Variants in RPA1 observed in about 807,000 individuals in gnomAD.
RPA1 encodes replication protein A 70 kDa DNA-binding subunit.
In RPA1, 49 loss-of-function variants were observed where a neutral mutation model predicts 83.0. The observed-to-expected ratio is 0.59, with a 90% CI of 0.47 to 0.75. The LOEUF (loss-of-function observed/expected upper bound fraction) is 0.75. Among genes scored for constraint, RPA1 ranks in the 30% least tolerant of loss-of-function variants. The pLI is 0.00. For missense variants in RPA1, 693 were observed against 776.1 expected, an observed-to-expected ratio of 0.89 and a Z score of 1.27; for synonymous variants, 279 against 281.8, an observed-to-expected ratio of 0.99 and a Z score of 0.10.
At chr17:1,852,572 G>A (rs536169624) in intron 4 of RPA1, among the ~76,000 whole-genome samples, 5 of 152,230 alleles carry the variant, frequency 3.3e-5, no homozygotes, top group Non-Finnish European at 5.9e-5. Context: ...CGGCACGGGA[G>A]GGGGGTTAGC....
chr17:1,880,084 GA>G (rs1423124784), intron 11 of RPA1, among the ~76,000 whole-genome samples: 1 of 149,182 alleles, frequency 6.7e-6, no homozygotes, highest in African/African-American at 2.5e-5. Context: ...TTGGGGGAGG[GA>G]GGGGTCTTGT....
At chr17:1,841,232 T>C (rs1912035004) in intron 1 of RPA1, among the ~76,000 whole-genome samples, 1 of 152,204 alleles carries the variant, frequency 6.6e-6, no homozygotes, top group African/African-American at 2.4e-5. Flanking sequence ...TTTTTATAGA[T>C]ACCTTAGGAT....
intron 1 of RPA1, among the ~76,000 whole-genome samples, chr17:1,839,616 G>A (rs1028185310): frequency 3.3e-4 from 50 of 150,368 alleles, no homozygotes; most frequent in Non-Finnish European, 5.2e-4. Flanking sequence ...GTGAGCCACC[G>A]TGCCTGGCCT....
At chr17:1,833,508 T>C (rs1465923467) in intron 1 of RPA1, among the ~76,000 whole-genome samples, 7 of 152,208 alleles carry the variant, frequency 4.6e-5, no homozygotes, top group African/African-American at 1.4e-4. Context: ...TGATTTTAAA[T>C]TGTAGCTTTC....
At chr17:1,851,293 A>G (rs4790831) in intron 4 of RPA1, among the ~76,000 whole-genome samples, 147,874 of 152,132 alleles carry the variant, frequency 0.97, 72,008 homozygotes, top group Non-Finnish European at 1. Context: ...GTGTGTGCCC[A>G]CACAATCTAT....
intron 6 of RPA1, among the ~76,000 whole-genome samples, chr17:1,875,297 G>A (rs55998854): frequency 7.2e-5 from 11 of 152,192 alleles, no homozygotes; most frequent in African/African-American, 2.2e-4. Context: ...TACAAAAGTT[G>A]ATTTTCTTTT....
intron 6 of RPA1, among the ~76,000 whole-genome samples, chr17:1,874,012 A>AAAAAAAAAATATATATAT (rs1555592994): frequency 1.1e-5 from 1 of 93,844 alleles, no homozygotes; most frequent in African/African-American, 5.1e-5. Flanking sequence ...AAAAAAAAAA[A>AAAAAAAAAATATATATAT]ATATATATAT....
chr17:1,886,188 CAT>C (rs1225372510), intron 13 of RPA1, among the ~76,000 whole-genome samples: 1 of 151,492 alleles, frequency 6.6e-6, no homozygotes, highest in Non-Finnish European at 1.5e-5. Context: ...AATGAGCAGT[CAT>C]ATTTTTAAAG....
At chr17:1,878,150 G>A (rs1281616367) in intron 8 of RPA1, among the ~76,000 whole-genome samples, 2 of 151,800 alleles carry the variant, frequency 1.3e-5, no homozygotes, top group Non-Finnish European at 1.5e-5. Context: ...AGAATCAATC[G>A]CCTGAACCAA....
chr17:1,853,017 A>G, intron 4 of RPA1, 84 bp from the exon 5 acceptor site: 2 of 1,006,786 alleles, frequency 2.0e-6, no homozygotes, highest in South Asian at 2.6e-5. Flanking sequence ...CATCACAATG[A>G]TCATCGGGGA....
At chr17:1,895,793 C>G (rs1310406634) in intron 16 of RPA1, among the ~76,000 whole-genome samples, 1 of 151,916 alleles carries the variant, frequency 6.6e-6, no homozygotes, top group Non-Finnish European at 1.5e-5. Flanking sequence ...AGTGATTCTC[C>G]TGCCTTAGCC....
At chr17:1,871,380 G>A (rs1298573912) in intron 5 of RPA1, among the ~76,000 whole-genome samples, 1 of 152,172 alleles carries the variant, frequency 6.6e-6, no homozygotes, top group East Asian at 1.9e-4. Context: ...TGTGTAATGT[G>A]CCCGTTTGAG....
chr17:1,833,853 G>GA (rs1025354598), intron 1 of RPA1, among the ~76,000 whole-genome samples: 1 of 149,186 alleles, frequency 6.7e-6, no homozygotes, highest in African/African-American at 2.5e-5. Flanking sequence ...CATCTCAAAA[G>GA]AAAAAAAGAA....
intron 8 of RPA1, among the ~76,000 whole-genome samples, chr17:1,878,386 T>C (rs533154528): frequency 3.9e-5 from 6 of 152,352 alleles, no homozygotes; most frequent in African/African-American, 1.4e-4. Context: ...GATGGCAGAA[T>C]CAATATTAGA....
chr17:1,895,606 C>A (rs1255060167), intron 16 of RPA1, among the ~76,000 whole-genome samples: 2 of 151,418 alleles, frequency 1.3e-5, no homozygotes, highest in Admixed American at 6.6e-5. Context: ...ACAAAGGCCA[C>A]GTGTGGTTAA....
intron 1 of RPA1, among the ~76,000 whole-genome samples, chr17:1,834,662 G>A (rs938205603): frequency 6.6e-6 from 1 of 152,176 alleles, no homozygotes; most frequent in Non-Finnish European, 1.5e-5. Context: ...ATTATATAAC[G>A]AAAGGGGAAG....
chr17:1,885,834 G>A (rs927873451), intron 13 of RPA1, among the ~76,000 whole-genome samples: 17 of 152,282 alleles, frequency 1.1e-4, no homozygotes, highest in African/African-American at 2.9e-4. Flanking sequence ...GGCAACTATC[G>A]CCTCATGAAA....
intron 6 of RPA1, among the ~76,000 whole-genome samples, chr17:1,873,225 G>A (rs1009080131): frequency 1.3e-5 from 2 of 152,164 alleles, no homozygotes; most frequent in Admixed American, 1.3e-4. Context: ...CTTGAAGACA[G>A]TATTACTTAT....
intron 8 of RPA1, 63 bp from the exon 9 acceptor site, chr17:1,878,930 C>T (rs1597450693): frequency 6.6e-7 from 1 of 1,521,814 alleles, no homozygotes; most frequent in Non-Finnish European, 9.1e-7. Context: ...CCCAGTGTCA[C>T]TTGGGTGCTG....
Sources: gnomAD v4.1 joint callset for allele counts (sites outside exome capture counted in the v4.1 genomes callset) on GRCh38, gnomAD v4.1.1 for gene constraint, MANE v1.5 for transcripts, NCBI Gene and HGNC (gene_info 2026-07-23, HGNC 2026-07-21) for gene names.